CAPN7: variants seen among roughly 807,000 people sequenced by gnomAD.
CAPN7 encodes calpain-7.
CAPN7 carries 72 observed loss-of-function variants against 115.2 expected under a neutral mutation model. The ratio of observed to expected loss-of-function variants is 0.63; its 90% CI spans 0.52 to 0.76. The LOEUF (loss-of-function observed/expected upper bound fraction) is 0.76, where lower values mean the gene tolerates loss of function less well. Among genes scored for constraint, CAPN7 ranks in the 30% least tolerant of loss-of-function variants. CAPN7 has a pLI of 0.00. For missense variants in CAPN7, 905 were observed against 971.5 expected (o/e 0.93, Z 0.91); for synonymous variants, 344 against 322.3 (o/e 1.07, Z -0.72).
intron 6 of CAPN7, among the ~76,000 whole-genome samples, chr3:15,226,025 T>C (rs1041521181): frequency 6.6e-6 from 1 of 152,154 alleles, no homozygotes. Context: ...GTGTATTACT[T>C]TTAAAATAAT....
At chr3:15,234,781 A>G (rs193173321) in intron 11 of CAPN7, among the ~76,000 whole-genome samples, 1 of 152,270 alleles carries the variant, frequency 6.6e-6, no homozygotes, top group Admixed American at 6.5e-5. Flanking sequence ...CTTGAAATTT[A>G]GCGTTTGTTT....
chr3:15,222,172 C>T lies in CAPN7; in HGVS notation c.638+1191C>T, dbSNP rs542672145. 3.3e-5 allele frequency among the ~76,000 whole-genome samples: 5 copies of T among 151,664 alleles called. No individual in the cohort carries two copies. In the East Asian group the frequency reaches 5.8e-4, roughly 18 times the overall value. On this transcript the variant is annotated intron_variant, in intron 5 of 20. Transcript: ENST00000253693. Reference sequence around the variant, plus strand: ...AAACATTTGCCGACCCCCTGTCTAGCGGGGGTTATAGCGTGTCTGAAAGCA... The same window carrying T: ...AAACATTTGCCGACCCCCTGTCTAGTGGGGGTTATAGCGTGTCTGAAAGCA...
chr3:15,224,575 T>C (rs112148430), intron 6 of CAPN7, among the ~76,000 whole-genome samples: 7,367 of 151,912 alleles, frequency 0.048, 619 homozygotes, highest in African/African-American at 0.17. Flanking sequence ...GCCTGACCCT[T>C]CTTTTTCTTT....
chr3:15,252,698 T>C lies in CAPN7; in HGVS notation c.*1438T>C, dbSNP rs1006683858. ...AACTTAAAGGCACTGATTTCTATAA[T>C]AGAGCTCTAAAAACATGCCACCAGT... On this transcript the variant is annotated 3_prime_UTR_variant, in exon 21 of 21. Coordinates refer to ENST00000253693, the MANE Select transcript of CAPN7 (RefSeq NM_014296.3). The C allele has an allele frequency of 6.6e-6, 1 of 152,036 alleles. No homozygotes were observed. The highest frequency in any genetic ancestry group is 2.4e-5 in the African/African-American group (1 of 41,298). 9.4% of individuals were successfully genotyped at this position (152,036 alleles called of 1,614,324 possible). A position where few individuals can be genotyped will look rare whatever the true frequency, so the allele number is the denominator to read the frequency against.
intron 2 of CAPN7, among the ~76,000 whole-genome samples, chr3:15,214,216 T>A (rs1417731895): frequency 6.6e-6 from 1 of 152,250 alleles, no homozygotes; most frequent in Non-Finnish European, 1.5e-5. Context: ...TAGCTTGTTT[T>A]ACCAACTTCT....
chr3:15,223,267 A>G (rs1176101576), intron 5 of CAPN7, among the ~76,000 whole-genome samples: 1 of 152,202 alleles, frequency 6.6e-6, no homozygotes, highest in Non-Finnish European at 1.5e-5. Flanking sequence ...CCTTTAAAGA[A>G]TATTCTTATT....
Position 15,246,902 on chromosome 3 carries a change from A to G in CAPN7, c.2073+108A>G, listed in dbSNP as rs557829818. 1.5e-4 allele frequency: 132 copies of G among 876,578 alleles called. No individual in the cohort carries two copies. In the African/African-American group the frequency reaches 2.0e-3, roughly 13 times the overall value. 54.3% of individuals were successfully genotyped at this position (876,578 alleles called of 1,614,324 possible). On this transcript the variant is annotated intron_variant, in intron 18 of 20. Coordinates refer to ENST00000253693, the MANE Select transcript of CAPN7 (RefSeq NM_014296.3). ...TATATTTAGCAAAGGCTTCACAGGA[A>G]TATAAGGGAAACGTAAATGGCCTCA...
chr3:15,206,714 C>A lies in CAPN7; in HGVS notation c.102+117C>A, dbSNP rs368841276. 8 of 718,016 alleles carry A rather than the reference C, an allele frequency of 1.1e-5. No homozygotes were observed. In the East Asian group the frequency reaches 2.3e-4, roughly 21 times the overall value. 44.5% of individuals were successfully genotyped at this position (718,016 alleles called of 1,614,324 possible). A position where few individuals can be genotyped will look rare whatever the true frequency, so the allele number is the denominator to read the frequency against. ...AGCGGCCCCGGCTTTGCTTTTCCCT[C>A]GTCCGCCTCCCGGCCCTCCTCTTGT... On this transcript the variant is annotated intron_variant, in intron 1 of 20. Coordinates refer to ENST00000253693, the MANE Select transcript of CAPN7 (RefSeq NM_014296.3).
intron 2 of CAPN7, among the ~76,000 whole-genome samples, chr3:15,215,936 A>G (rs1268663547): frequency 6.6e-6 from 1 of 152,172 alleles, no homozygotes; most frequent in Non-Finnish European, 1.5e-5. Flanking sequence ...AAATACAAAA[A>G]TTAGCCAAGC....
rs865991787 is a variant in CAPN7, at chr3:15,235,464, C to G, written c.1407+319C>G. On this transcript the variant is annotated intron_variant, in intron 12 of 20. Transcript: ENST00000253693. ...CCAAGCTTCTTCTTCGTGTTTGGAT[C>G]AATCACAGTGTTAAGCTCTAAAGCA... Among the ~76,000 whole-genome samples the G allele has an allele frequency of 6.6e-5, 10 of 151,756 alleles. No individual in the cohort carries two copies. The South Asian group carries it at 1.7e-3, about 25-fold the overall frequency.
intron 4 of CAPN7, among the ~76,000 whole-genome samples, chr3:15,220,113 A>C (rs945446201): frequency 3.9e-5 from 6 of 152,166 alleles, no homozygotes; most frequent in Admixed American, 3.9e-4. Flanking sequence ...AGGCAGGAGA[A>C]TCGCTTGACT....
intron 9 of CAPN7, among the ~76,000 whole-genome samples, chr3:15,230,828 T>C (rs913491071): frequency 1.3e-5 from 2 of 152,250 alleles, no homozygotes; most frequent in African/African-American, 4.8e-5. Context: ...TGATAGTTCA[T>C]CTGATTGTTT....
chr3:15,240,451 C>T lies in CAPN7; in HGVS notation c.1408-22C>T, dbSNP rs756696281. ...AAACTGTTTTACAACTTAATGTTATCTCCTGTTTCTTTTTTATATAGGGGC... is the reference window on the plus strand; with the variant it reads ...AAACTGTTTTACAACTTAATGTTATTTCCTGTTTCTTTTTTATATAGGGGC... On this transcript the variant is annotated intron_variant, in intron 12 of 20. Coordinates refer to ENST00000253693, the MANE Select transcript of CAPN7 (RefSeq NM_014296.3). The T allele has an allele frequency of 6.2e-6, 10 of 1,602,478 alleles. No individual in the cohort carries two copies. In the South Asian group the frequency reaches 9.0e-5, roughly 14 times the overall value.
rs373007138 is a variant in CAPN7 at position 15,230,519 on chromosome 3, A to G, written c.1016A>G (p.Asn339Ser). The G allele has an allele frequency of 3.5e-5, 56 of 1,606,528 alleles. No homozygotes were observed. Among genetic ancestry groups the G allele is most frequent in the Admixed American group, 2.8e-4 (17 of 59,984 alleles). ...CGKYMVKLHL[N>S]GVPRKVIIDD... ...AAGTATATGGTAAAACTTCACCTCAATGGTGTCCCAAGAAAGGTGAATAAT... is the reference window on the plus strand; with the variant it reads ...AAGTATATGGTAAAACTTCACCTCAGTGGTGTCCCAAGAAAGGTGAATAAT... The change falls in exon 9 of 21, where the codon AAT (asparagine) becomes AGT (serine). Residue 339 changes from asparagine to serine, a missense_variant. Coordinates refer to ENST00000253693, the MANE Select transcript of CAPN7 (RefSeq NM_014296.3).
chr3:15,244,857 GAAAT>G (rs1017537789), intron 16 of CAPN7, among the ~76,000 whole-genome samples: 6 of 152,070 alleles, frequency 3.9e-5, no homozygotes, highest in African/African-American at 1.4e-4. Context: ...GCAGTTATAA[GAAAT>G]AAACTTATCT....
chr3:15,240,994 C>G (rs1313915633), intron 14 of CAPN7, 141 bp downstream of exon 14: 4 of 562,388 alleles, frequency 7.1e-6, no homozygotes, highest in African/African-American at 1.9e-5. Flanking sequence ...CAGTTGACCT[C>G]AGGAGTTCTA....
chr3:15,213,258 G>T (rs1043852363), intron 2 of CAPN7, among the ~76,000 whole-genome samples: 1 of 152,172 alleles, frequency 6.6e-6, no homozygotes, highest in African/African-American at 2.4e-5. Context: ...AAGTAGGGAA[G>T]GTAGTCTTTC....
In CAPN7 at chr3:15,220,841, TA is replaced by T; in HGVS notation, c.500del (p.Lys167SerfsTer7). On this transcript the variant is annotated frameshift_variant, in exon 5 of 21. Coordinates refer to ENST00000253693, the MANE Select transcript of CAPN7 (RefSeq NM_014296.3). LOFTEE classifies it high-confidence loss of function. ...TTGGCAAAATCAGTTCAACAAGTGT[TA>T]AGCCAAAGCCACCTCCAGTGAGAGC... ...PVGKISSTSV[K>X]PKPPPVRAHF... The T allele has an allele frequency of 6.2e-7, 1 of 1,614,206 alleles. No homozygotes were observed.
rs1401132480 is a variant in CAPN7, at chr3:15,251,130, A to T, written c.2312A>T (p.Tyr771Phe). 1.9e-6 allele frequency: 3 copies of T among 1,606,364 alleles called. No individual in the cohort carries two copies. In the African/African-American group the frequency reaches 4.0e-5, roughly 22 times the overall value. Residue 771 changes from tyrosine to phenylalanine, a missense_variant, in exon 21 of 21, where the codon TAC becomes TTC. Coordinates refer to ENST00000253693, the MANE Select transcript of CAPN7 (RefSeq NM_014296.3). Reference sequence around the variant, plus strand: ...TCTAAATATAGGTGTGGGTTTTGCTACCTGGAATTAGAAAATATACCTTCT... The same window carrying T: ...TCTAAATATAGGTGTGGGTTTTGCTTCCTGGAATTAGAAAATATACCTTCT... The part of the protein sequence containing the change: ...SSGDYRCGFC[Y>F]LELENIPSGI...
Sources: allele counts gnomAD v4.1 joint callset (sites outside exome capture counted in the v4.1 genomes callset), GRCh38; gene constraint gnomAD v4.1.1; transcripts MANE v1.5; gene names NCBI Gene and HGNC (gene_info 2026-07-23, HGNC 2026-07-21).